DIXDC1: variants seen among roughly 807,000 people sequenced by gnomAD.
DIXDC1 encodes the protein DIX domain containing 1.
In DIXDC1, 64 loss-of-function variants were observed where a neutral mutation model predicts 103.1. The ratio of observed to expected loss-of-function variants is 0.62; its 90% CI spans 0.51 to 0.76. The LOEUF is 0.76. DIXDC1 is among the 30% of genes least tolerant of loss of function. The pLI, the probability that DIXDC1 is intolerant of heterozygous loss-of-function variation, is 0.00. For synonymous variants in DIXDC1, 266 were observed against 298.5 expected, an observed-to-expected ratio of 0.89 and a Z score of 1.12; for missense variants, 759 against 834.2, an observed-to-expected ratio of 0.91 and a Z score of 1.11.
rs782749191 is a variant in DIXDC1 at position 111,937,454 on chromosome 11, G to A, written c.-46G>A. ...AGAGGGAGGAGGAGGAGGCGGCGGC[G>A]GCCGCCGGGCTGGAGACCCCGCCCG... is the stretch of plus-strand genomic sequence containing the variant. On this transcript the variant is annotated 5_prime_UTR_variant, in exon 1 of 20. Coordinates refer to ENST00000440460, the MANE Select transcript of DIXDC1 (RefSeq NM_001037954.4). 10 of 1,552,704 alleles carry A rather than the reference G, an allele frequency of 6.4e-6. No individual in the cohort carries two copies. Among genetic ancestry groups the A allele is most frequent in the Non-Finnish European group, 8.7e-6 (10 of 1,148,814 alleles).
chr11:112,016,412 C>A (rs1199609884), intron 17 of DIXDC1, among the ~76,000 whole-genome samples: 1 of 152,166 alleles, frequency 6.6e-6, no homozygotes, highest in Non-Finnish European at 1.5e-5. Context: ...GCTTCTCTGT[C>A]CTTTTTTGAT....
At chr11:111,975,074 C>T in intron 5 of DIXDC1, 91 bp downstream of exon 5, 1 of 1,536,982 alleles carries the variant, frequency 6.5e-7, no homozygotes, top group Non-Finnish European at 8.8e-7. Flanking sequence ...GCACCTAAGC[C>T]CTTTTTCTCC....
chr11:111,978,085 T>C (rs1202950985), intron 5 of DIXDC1, among the ~76,000 whole-genome samples: 1 of 152,000 alleles, frequency 6.6e-6, no homozygotes, highest in Admixed American at 6.6e-5. Flanking sequence ...AAAAATTAAT[T>C]TGAGTGGGAT....
rs1341075299 is a variant in DIXDC1 at position 111,958,540 on chromosome 11, C to T, written c.61-6009C>T. Among the ~76,000 whole-genome samples, 1 of 152,188 alleles carries T rather than the reference C, an allele frequency of 6.6e-6. No individual in the cohort carries two copies. The highest frequency in any genetic ancestry group is 6.5e-5 in the Admixed American group (1 of 15,286). On this transcript the variant is annotated intron_variant, in intron 1 of 19. Coordinates refer to ENST00000440460, the MANE Select transcript of DIXDC1 (RefSeq NM_001037954.4). The surrounding 1 kb of genome is among the most constrained non-coding windows in gnomAD (Gnocchi z 4.2). ...CTTAGCTCCCTCTGGACTTTGGGTG[C>T]CGAAAAGCACCAGAGGGAGGCTGAG...
intron 3 of DIXDC1, 150 bp from the exon 4 acceptor site, chr11:111,973,873 T>C (rs1481315791): frequency 3.0e-6 from 2 of 655,802 alleles, no homozygotes; most frequent in African/African-American, 1.8e-5. Context: ...CGGTCTCCCT[T>C]GTTGCCCAGA....
upstream of DIXDC1, among the ~76,000 whole-genome samples, chr11:111,933,434 C>A (rs964370637): frequency 1.3e-5 from 2 of 151,888 alleles, no homozygotes; most frequent in African/African-American, 2.4e-5. Context: ...CGCTCCCGGA[C>A]CTTTTCTCTT....
chr11:111,964,696 T>C lies in DIXDC1; in HGVS notation c.190+18T>C. On this transcript the variant is annotated intron_variant, in intron 2 of 19. Coordinates refer to ENST00000440460, the MANE Select transcript of DIXDC1 (RefSeq NM_001037954.4). Reference sequence around the variant, plus strand: ...GATTGTTGGTCAGTTGGCCCTGGACTCTGATACTAGAGTACATAGATCAGA... The same window carrying C: ...GATTGTTGGTCAGTTGGCCCTGGACCCTGATACTAGAGTACATAGATCAGA... 1 of 1,589,490 alleles carries C rather than the reference T, an allele frequency of 6.3e-7. No individual in the cohort carries two copies. The highest frequency in any genetic ancestry group is 8.6e-7 in the Non-Finnish European group (1 of 1,169,238).
chr11:111,933,689 C>T (rs1233532230), upstream of DIXDC1, among the ~76,000 whole-genome samples: 1 of 40,266 alleles, frequency 2.5e-5, no homozygotes, highest in African/African-American at 1.2e-4. Flanking sequence ...CTCTCTCTCT[C>T]TCAAAAAAAA....
rs587685923 is a variant in DIXDC1 at position 111,958,863 on chromosome 11, C to G, written c.61-5686C>G. Among the ~76,000 whole-genome samples the G allele has an allele frequency of 3.0e-4, 46 of 152,316 alleles. No individual in the cohort carries two copies. The highest frequency in any genetic ancestry group is 1.1e-3 in the African/African-American group (44 of 41,566). ...CTTGGAAAATGATGGGACGACCTGC[C>G]TGCGGAGAGGAGCTACCCACTCCAG... On this transcript the variant is annotated intron_variant, in intron 1 of 19. Coordinates refer to ENST00000440460, the MANE Select transcript of DIXDC1 (RefSeq NM_001037954.4). The surrounding 1 kb of genome is among the most constrained non-coding windows in gnomAD (Gnocchi z 4.2).
intron 2 of DIXDC1, among the ~76,000 whole-genome samples, chr11:111,965,226 A>G (rs1190122792): frequency 1.3e-5 from 2 of 152,200 alleles, no homozygotes; most frequent in African/African-American, 2.4e-5. Context: ...GTTGACAGTC[A>G]TTCTTACTAG....
intron 1 of DIXDC1, among the ~76,000 whole-genome samples, chr11:111,963,772 G>A (rs1003923481): frequency 6.6e-6 from 1 of 152,200 alleles, no homozygotes; most frequent in Non-Finnish European, 1.5e-5. Context: ...TGAGTTGTAT[G>A]TCCCTACGTA....
Position 111,985,296 on chromosome 11 carries a change from C to G in DIXDC1, c.983C>G (p.Pro328Arg), listed in dbSNP as rs1860451043. 2 of 1,613,452 alleles carry G rather than the reference C, an allele frequency of 1.2e-6. No individual in the cohort carries two copies. The highest frequency in any genetic ancestry group is 1.7e-5 in the Admixed American group (1 of 59,924). ...GAGAGGCCCTTGGCCCTCTGTGAAC[C>G]AGGTGTCAATCCCGAGGAACAACTG... ...EQERPLALCE[P>R]GVNPEEQLII... The change falls in exon 8 of 20, where the codon CCA becomes CGA. Residue 328 changes from proline to arginine, a missense_variant. By Grantham distance (103) the Pro-to-Arg change is moderately radical. Around this residue, in one of 3 missense-constraint regions of DIXDC1, gnomAD observed 657 missense variants for 727.5 expected, o/e 0.90. Coordinates refer to ENST00000440460, the MANE Select transcript of DIXDC1 (RefSeq NM_001037954.4).
At chr11:112,018,361 A>G (rs1467415149) in intron 19 of DIXDC1, among the ~76,000 whole-genome samples, 3 of 152,200 alleles carry the variant, frequency 2.0e-5, no homozygotes, top group African/African-American at 7.2e-5. Flanking sequence ...TTTATAATCC[A>G]TTTGTCAAAG....
At chr11:111,995,766 C>T (rs936010835) in intron 16 of DIXDC1, among the ~76,000 whole-genome samples, 2 of 151,484 alleles carry the variant, frequency 1.3e-5, no homozygotes, top group Non-Finnish European at 2.9e-5. Context: ...CATGGTCATA[C>T]TTGCTCCCAG....
chr11:111,939,514 C>T (rs1365542987), intron 1 of DIXDC1, among the ~76,000 whole-genome samples: 1 of 152,168 alleles, frequency 6.6e-6, no homozygotes, highest in African/African-American at 2.4e-5. Context: ...GTAAACTTCC[C>T]TCCATCCCCT....
chr11:111,993,109 AT>A (rs781807384), intron 12 of DIXDC1, 105 bp downstream of exon 12: 547 of 1,278,822 alleles, frequency 4.3e-4, no homozygotes, highest in Middle Eastern at 7.9e-4. Flanking sequence ...ATCCTTTTTG[AT>A]TTTTTTTTAT....
rs189298085 is a variant in DIXDC1, at chr11:111,952,720, C to T, written c.61-11829C>T. Among the ~76,000 whole-genome samples the T allele has an allele frequency of 1.5e-3, 223 of 150,960 alleles. 1 individual carries two copies. The highest frequency in any genetic ancestry group is 3.4e-3 in the Middle Eastern group (1 of 292). On this transcript the variant is annotated intron_variant, in intron 1 of 19. Transcript: ENST00000440460. ...CTGTAATCCCAGCTACTTAGGAGGC[C>T]GAGGCAGGAGAATTGCTTGAACCCA...
chr11:111,970,267 G>A (rs1316531530), intron 3 of DIXDC1, among the ~76,000 whole-genome samples: 1 of 151,802 alleles, frequency 6.6e-6, no homozygotes, highest in African/African-American at 2.4e-5. Context: ...GTTGGCCAGC[G>A]TGGTCTCGAA....
chr11:111,970,293 G>A (rs1371532777), intron 3 of DIXDC1, among the ~76,000 whole-genome samples: 1 of 152,032 alleles, frequency 6.6e-6, no homozygotes, highest in Non-Finnish European at 1.5e-5. Context: ...GACCTCAAGT[G>A]ATCCACCTGC....
Sources: gnomAD v4.1 joint callset for allele counts (sites outside exome capture counted in the v4.1 genomes callset) on GRCh38, gnomAD v4.1.1 for gene constraint, gnomAD v4.1.1 regional missense constraint, Gnocchi (gnomAD v3.1) non-coding constraint, MANE v1.5 for transcripts, NCBI Gene and HGNC (gene_info 2026-07-23, HGNC 2026-07-21) for gene names.